The following SLC20A2 variants were observed in gnomAD, a reference collection of about 807,000 sequenced individuals.
The protein encoded by SLC20A2 is solute carrier family 20 member 2, also known as sodium-dependent phosphate transporter 2.
A neutral mutation model predicts 61.0 loss-of-function variants in SLC20A2; 30 were observed. The ratio of observed to expected loss-of-function variants is 0.49; its 90% CI spans 0.37 to 0.67. The LOEUF (loss-of-function observed/expected upper bound fraction) is 0.67, where lower values mean the gene tolerates loss of function less well. Ranked by LOEUF, SLC20A2 falls within the 30% of genes least tolerant of loss-of-function variation. The probability of loss-of-function intolerance (pLI) is 0.00; values close to 1 mark genes in which losing one functional copy is unlikely to be tolerated. For synonymous variants in SLC20A2, 351 were observed against 353.3 expected (o/e 0.99, Z 0.07); for missense variants, 626 against 866.4 (o/e 0.72, Z 3.48).
intron 1 of SLC20A2, among the ~76,000 whole-genome samples, chr8:42,540,148 T>C (rs1179275676): frequency 6.6e-6 from 1 of 151,896 alleles, no homozygotes; most frequent in Non-Finnish European, 1.5e-5. Flanking sequence ...AAAACTTAGC[T>C]GGGCGTGGTG....
chr8:42,440,394 G>A (rs1011207501), intron 6 of SLC20A2, among the ~76,000 whole-genome samples: 1 of 151,942 alleles, frequency 6.6e-6, no homozygotes, highest in African/African-American at 2.4e-5. Context: ...TAAAATATGC[G>A]ATTTTTGAGA....
chr8:42,503,582 A>T (rs1026734136), upstream of SLC20A2, among the ~76,000 whole-genome samples: 1 of 152,266 alleles, frequency 6.6e-6, no homozygotes, highest in African/African-American at 2.4e-5. Context: ...TATCCAAGAT[A>T]TGATCATTTT....
At chr8:42,494,326 A>G (rs767376550) in intron 1 of SLC20A2, among the ~76,000 whole-genome samples, 4 of 152,218 alleles carry the variant, frequency 2.6e-5, no homozygotes, top group Non-Finnish European at 5.9e-5. Flanking sequence ...GCCAAATTAA[A>G]TAAAATATAA....
chr8:42,474,113 G>A (rs1195021099), intron 1 of SLC20A2, among the ~76,000 whole-genome samples: 7 of 152,126 alleles, frequency 4.6e-5, no homozygotes, highest in African/African-American at 1.7e-4. Context: ...AGAGGTTGCA[G>A]TGAGCCAAGA....
Position 42,516,079 on chromosome 8 carries a change from A to AT in SLC20A2, c.-265+25741dup, listed in dbSNP as rs746395642. ...AGTGATGAAATTTCCTTTTTTAATC[A>AT]TTTTTGTAATTTGGAAAACTGTGAT... On this transcript the variant is annotated intron_variant, in intron 1 of 10. Transcript: ENST00000342228. Among the ~76,000 whole-genome samples the AT allele has an allele frequency of 1.5e-3, 231 of 152,280 alleles. 1 individual carries two copies. The highest frequency in any genetic ancestry group is 6.0e-3 in the South Asian group (29 of 4,820).
chr8:42,520,731 A>AAAAAAAC (rs1472775302), intron 1 of SLC20A2, among the ~76,000 whole-genome samples: 24,297 of 113,520 alleles, frequency 0.21, 6,866 homozygotes, highest in South Asian at 0.38. Flanking sequence ...ACCTCAAAAC[A>AAAAAAAC]AAAAAACAAA....
intron 8 of SLC20A2, among the ~76,000 whole-genome samples, chr8:42,435,146 A>G (rs910512593): frequency 1.3e-5 from 2 of 152,208 alleles, no homozygotes; most frequent in African/African-American, 2.4e-5. Flanking sequence ...AGGACAGAGC[A>G]TGCTGTCTCC....
At chr8:42,469,329 CA>C (rs368452294) in intron 2 of SLC20A2, among the ~76,000 whole-genome samples, 126 of 140,820 alleles carry the variant, frequency 8.9e-4, no homozygotes, top group Admixed American at 1.1e-3. Context: ...AACCACATAC[CA>C]AAAAAAAAAA....
intron 5 of SLC20A2, among the ~76,000 whole-genome samples, chr8:42,454,346 A>G (rs1015477399): frequency 6.6e-6 from 1 of 152,102 alleles, no homozygotes; most frequent in Non-Finnish European, 1.5e-5. Flanking sequence ...CTCCGAGGAG[A>G]GGGAGGGACC....
intron 1 of SLC20A2, among the ~76,000 whole-genome samples, chr8:42,506,694 C>A (rs898023290): frequency 6.6e-6 from 1 of 152,188 alleles, no homozygotes; most frequent in Non-Finnish European, 1.5e-5. Flanking sequence ...TAATTTTCTC[C>A]GTGATATGGT....
At chr8:42,515,208 C>G (rs1811259037) in intron 1 of SLC20A2, among the ~76,000 whole-genome samples, 1 of 152,140 alleles carries the variant, frequency 6.6e-6, no homozygotes, top group Non-Finnish European at 1.5e-5. Flanking sequence ...GAATCCCAGA[C>G]AGTTTTGACT....
Position 42,523,000 on chromosome 8 carries a change from C to T in SLC20A2, c.-265+18821G>A, listed in dbSNP as rs148301486. Among the ~76,000 whole-genome samples, 712 of 151,350 alleles carry T rather than the reference C, an allele frequency of 4.7e-3. 8 individuals are homozygous for T. Among genetic ancestry groups the T allele is most frequent in the African/African-American group, 0.017 (683 of 40,936 alleles). ...TTGGCCTCCCAAAGTGCTGGGATTG[C>T]GGGTATGCACCACTGCTCCCAGCAA... is the stretch of plus-strand genomic sequence containing the variant. On this transcript the variant is annotated intron_variant, in intron 1 of 10. Transcript: ENST00000342228.
intron 1 of SLC20A2, among the ~76,000 whole-genome samples, chr8:42,526,301 G>A (rs1811928294): frequency 6.6e-6 from 1 of 151,984 alleles, no homozygotes; most frequent in South Asian, 2.1e-4. Flanking sequence ...AATCTCAACT[G>A]AGCAACATTC....
In SLC20A2 at chr8:42,430,117, C is replaced by G; in HGVS notation, c.1656G>C (p.Gly552=). Residue 552 remains glycine, a synonymous_variant, in exon 9 of 11, where the codon GGG becomes GGC. Transcript: ENST00000520262. ...TCCCCATGGTCTGGATCACTCTTCT[C>G]CCCCAGACCCAGAGGCCTGTGCAGA... The part of the protein sequence containing the change: ...VGICTGLWVW[G]RRVIQTMGKD... The G allele has an allele frequency of 6.2e-7, 1 of 1,613,812 alleles. No homozygotes were observed. The highest frequency in any genetic ancestry group is 8.5e-7 in the Non-Finnish European group (1 of 1,179,916).
rs1173719306 is a variant in SLC20A2 at position 42,472,217 on chromosome 8, G to A, written c.174C>T (p.Gly58=). The change falls in exon 2 of 11, where the codon GGC becomes GGT. Residue 58 remains glycine, a synonymous_variant. Transcript: ENST00000520262. This position sits in a 1 kb window ranked among gnomAD's most constrained non-coding sequence, Gnocchi z 4.1. ...CTACTTTGGCGCCTAGTAACACGGA[G>A]CCGGTGGTTTCAAATATTGAAGCTA... ...CILASIFETT[G]SVLLGAKVGE... 6.2e-7 allele frequency: 1 copy of A among 1,614,156 alleles called. No individual in the cohort carries two copies. The highest frequency in any genetic ancestry group is 1.1e-5 in the South Asian group (1 of 91,080).
intron 1 of SLC20A2, among the ~76,000 whole-genome samples, chr8:42,525,581 C>CAAAAAAAA (rs34356863): frequency 4.4e-5 from 3 of 68,722 alleles, no homozygotes; most frequent in Non-Finnish European, 5.4e-5. Flanking sequence ...GACTCTGTCT[C>CAAAAAAAA]AAAAAAAAAA....
chr8:42,496,108 G>A (rs998288199), intron 1 of SLC20A2, among the ~76,000 whole-genome samples: 22 of 152,246 alleles, frequency 1.4e-4, no homozygotes, highest in East Asian at 3.9e-4. Flanking sequence ...AAGGTAGGGC[G>A]GGTCTTTTTC....
At chr8:42,507,058 G>A (rs776324932) in intron 1 of SLC20A2, among the ~76,000 whole-genome samples, 11 of 152,220 alleles carry the variant, frequency 7.2e-5, no homozygotes, top group Non-Finnish European at 1.5e-4. Flanking sequence ...TCAGGCCATC[G>A]TAAACCACAC....
At chr8:42,514,451 G>A (rs939434047) in intron 1 of SLC20A2, among the ~76,000 whole-genome samples, 24 of 152,082 alleles carry the variant, frequency 1.6e-4, no homozygotes, top group Non-Finnish European at 2.6e-4. Flanking sequence ...GAATGCCAAC[G>A]ATAAAAGCTA....
Sources: allele counts gnomAD v4.1 joint callset (sites outside exome capture counted in the v4.1 genomes callset), GRCh38; gene constraint gnomAD v4.1.1; non-coding constraint Gnocchi (gnomAD v3.1); transcripts MANE v1.5; gene names NCBI Gene and HGNC (gene_info 2026-07-23, HGNC 2026-07-21).